The following PPTC7 variants were observed in gnomAD, a reference collection of about 807,000 sequenced individuals.
PPTC7 encodes protein phosphatase targeting COQ7.
In PPTC7, 6 loss-of-function variants were observed where a neutral mutation model predicts 30.8. The ratio of observed to expected loss-of-function variants is 0.19; its 90% CI spans 0.11 to 0.38. The LOEUF (loss-of-function observed/expected upper bound fraction) is 0.38. Among genes scored for constraint, PPTC7 ranks in the 10% least tolerant of loss-of-function variants. The probability of loss-of-function intolerance (pLI) is 1.00; values close to 1 mark genes in which losing one functional copy is unlikely to be tolerated. For missense variants in PPTC7, 218 were observed against 404.8 expected (o/e 0.54, Z 3.96); for synonymous variants, 163 against 168.1 (o/e 0.97, Z 0.23).
At chr12:110,545,741 T>G in intron 3 of PPTC7, 139 bp downstream of exon 3, 2 of 728,030 alleles carry the variant, frequency 2.7e-6, no homozygotes, top group Non-Finnish European at 4.6e-6. Flanking sequence ...AAAGTTAAAC[T>G]AAAAGGTCCT....
At chr12:110,568,534 G>C (rs1347585823) in intron 1 of PPTC7, among the ~76,000 whole-genome samples, 1 of 152,082 alleles carries the variant, frequency 6.6e-6, no homozygotes, top group African/African-American at 2.4e-5. Flanking sequence ...TTACAGGCGT[G>C]AGCCACCACG....
Position 110,536,552 on chromosome 12 carries a change from A to C in PPTC7, c.*485T>G, listed in dbSNP as rs1431873598. 2.0e-5 allele frequency: 3 copies of C among 152,838 alleles called. No individual in the cohort carries two copies. Among genetic ancestry groups the C allele is most frequent in the Non-Finnish European group, 4.4e-5 (3 of 68,482 alleles). The allele number at this position is 152,838 out of a possible 1,614,324, so 9.5% of individuals were successfully genotyped here. On this transcript the variant is annotated 3_prime_UTR_variant, in exon 6 of 6. Coordinates refer to ENST00000354300, the MANE Select transcript of PPTC7 (RefSeq NM_139283.2). ...ATAACAAAGACATAAAGCCACACCAATCATCATAACAAAGACTATGCCTGT... is the reference window on the plus strand; with the variant it reads ...ATAACAAAGACATAAAGCCACACCACTCATCATAACAAAGACTATGCCTGT...
At chr12:110,568,174 TC>T (rs2064501093) in intron 1 of PPTC7, among the ~76,000 whole-genome samples, 1 of 151,972 alleles carries the variant, frequency 6.6e-6, no homozygotes, top group African/African-American at 2.4e-5. Flanking sequence ...TCTGGAGTAT[TC>T]CCATTCTTCT....
Position 110,551,921 on chromosome 12 carries a change from A to G in PPTC7, c.271T>C (p.Ser91Pro). Residue 91 changes from serine (S) to proline (P), a missense_variant, in exon 2 of 6, where the codon TCT becomes CCT. Coordinates refer to ENST00000354300, the MANE Select transcript of PPTC7 (RefSeq NM_139283.2). ...GGWRDYGVDP[S>P]QFSGTLMRTC... ...CGCATTAAAGTCCCTGAGAATTGAGATGGATCAACTCCATAGTCTCTCCAG... is the reference window on the plus strand; with the variant it reads ...CGCATTAAAGTCCCTGAGAATTGAGGTGGATCAACTCCATAGTCTCTCCAG... The G allele has an allele frequency of 6.2e-7, 1 of 1,614,196 alleles. No homozygotes were observed. The highest frequency in any genetic ancestry group is 8.5e-7 in the Non-Finnish European group (1 of 1,180,022).
chr12:110,564,779 TAC>T (rs2064467054), intron 1 of PPTC7, among the ~76,000 whole-genome samples: 9 of 146,204 alleles, frequency 6.2e-5, no homozygotes, highest in African/African-American at 2.4e-4. Flanking sequence ...CGTATATATA[TAC>T]ATACACGTTA....
At chr12:110,558,038 G>A (rs1433634954) in intron 1 of PPTC7, among the ~76,000 whole-genome samples, 1 of 152,182 alleles carries the variant, frequency 6.6e-6, no homozygotes, top group Non-Finnish European at 1.5e-5. Flanking sequence ...ACACATCAGT[G>A]GGTAATTGAA....
chr12:110,553,268 G>T (rs1270834669), intron 1 of PPTC7, among the ~76,000 whole-genome samples: 1 of 151,384 alleles, frequency 6.6e-6, no homozygotes, highest in Non-Finnish European at 1.5e-5. Flanking sequence ...TCCTGCCTCA[G>T]CCTCCCGAGT....
chr12:110,569,966 T>C (rs1321433481), intron 1 of PPTC7, among the ~76,000 whole-genome samples: 2 of 152,026 alleles, frequency 1.3e-5, no homozygotes, highest in Non-Finnish European at 2.9e-5. Context: ...AATAAAAGAA[T>C]AAAAGATGAT....
intron 1 of PPTC7, among the ~76,000 whole-genome samples, chr12:110,558,896 G>A (rs113474436): frequency 0.024 from 3,719 of 151,992 alleles, 130 homozygotes; most frequent in African/African-American, 0.08. Flanking sequence ...GTGAACCACC[G>A]TGCCCAGGCT....
intron 1 of PPTC7, among the ~76,000 whole-genome samples, chr12:110,556,221 G>A (rs543015228): frequency 1.3e-5 from 2 of 152,130 alleles, no homozygotes; most frequent in East Asian, 1.9e-4. Flanking sequence ...TTTTTTACAC[G>A]GGCAAAGGAT....
In PPTC7 at chr12:110,545,607, G is replaced by T. The variant is rs889592282; in HGVS notation, c.602+273C>A. 2.0e-5 allele frequency among the ~76,000 whole-genome samples: 3 copies of T among 152,188 alleles called. No individual in the cohort carries two copies. In the East Asian group the frequency reaches 5.8e-4, roughly 29 times the overall value. On this transcript the variant is annotated intron_variant, in intron 3 of 5. Transcript: ENST00000354300. ...AATAAAGTACTGTATGTACCATGTG[G>T]TGTTGATATGAAAAATTGATATTCT...
intron 1 of PPTC7, among the ~76,000 whole-genome samples, chr12:110,568,664 G>T (rs1202369220): frequency 1.3e-5 from 2 of 152,150 alleles, no homozygotes; most frequent in Non-Finnish European, 2.9e-5. Flanking sequence ...AACTGTCAGG[G>T]ACTAATAGGA....
chr12:110,544,338 A>C (rs1158512730), intron 3 of PPTC7, among the ~76,000 whole-genome samples: 1 of 152,248 alleles, frequency 6.6e-6, no homozygotes, highest in Non-Finnish European at 1.5e-5. Context: ...AATGAGAGCT[A>C]TTAAGTAGAG....
chr12:110,558,469 A>G (rs560665199), intron 1 of PPTC7, among the ~76,000 whole-genome samples: 1 of 152,380 alleles, frequency 6.6e-6, no homozygotes, highest in Non-Finnish European at 1.5e-5. Context: ...GTCTCCATTA[A>G]TAACATTCTG....
chr12:110,576,114 C>G (rs2064586918), intron 1 of PPTC7, among the ~76,000 whole-genome samples: 1 of 152,062 alleles, frequency 6.6e-6, no homozygotes. Context: ...CTAGATGGCT[C>G]TTTTACTAAA....
chr12:110,537,356 C>G (rs1412560272), intron 5 of PPTC7, among the ~76,000 whole-genome samples: 4 of 152,108 alleles, frequency 2.6e-5, no homozygotes, highest in African/African-American at 9.7e-5. Flanking sequence ...CAAACAGCCA[C>G]CACACCCTCT....
At chr12:110,552,595 T>C (rs1462897294) in intron 1 of PPTC7, among the ~76,000 whole-genome samples, 1 of 152,232 alleles carries the variant, frequency 6.6e-6, no homozygotes, top group Non-Finnish European at 1.5e-5. Flanking sequence ...CCGGGCGCGG[T>C]GGCTCACGCC....
Position 110,553,347 on chromosome 12 carries a change from G to A in PPTC7, c.224-1379C>T, listed in dbSNP as rs569617191. On this transcript the variant is annotated intron_variant, in intron 1 of 5. Coordinates refer to ENST00000354300, the MANE Select transcript of PPTC7 (RefSeq NM_139283.2). ...ATTTTTAGTAGAGAAGGGGTTCACC[G>A]TGTTAGCCAGGATGGTCTCATCTCC... 4.9e-4 allele frequency among the ~76,000 whole-genome samples: 75 copies of A among 151,844 alleles called. 2 individuals carry two copies. Among genetic ancestry groups the A allele is most frequent in the South Asian group, 2.9e-3 (14 of 4,798 alleles).
intron 1 of PPTC7, among the ~76,000 whole-genome samples, chr12:110,565,927 GA>G (rs2064479365): frequency 6.6e-6 from 1 of 152,224 alleles, no homozygotes; most frequent in South Asian, 2.1e-4. Flanking sequence ...AGAAGTGTCT[GA>G]AATGAGCCTT....
Sources: allele counts gnomAD v4.1 joint callset (sites outside exome capture counted in the v4.1 genomes callset), GRCh38; gene constraint gnomAD v4.1.1; transcripts MANE v1.5; gene names NCBI Gene and HGNC (gene_info 2026-07-23, HGNC 2026-07-21).